ASTN2: variants seen among roughly 807,000 people sequenced by gnomAD.
The protein encoded by ASTN2 is astrotactin 2, also known as astrotactin-2.
Under a neutral mutation model 139.8 loss-of-function variants are expected in ASTN2, and 54 were observed. The observed-to-expected ratio is 0.39, with a 90% confidence interval of 0.31 to 0.48. The LOEUF is 0.48. Among genes scored for constraint, ASTN2 ranks in the 20% least tolerant of loss-of-function variants. The probability of loss-of-function intolerance (pLI) is 0.95; values close to 1 mark genes in which losing one functional copy is unlikely to be tolerated. For missense variants in ASTN2, 1,565 were observed against 1,725.1 expected, an observed-to-expected ratio of 0.91 and a Z score of 1.64; for synonymous variants, 756 against 719.5, an observed-to-expected ratio of 1.05 and a Z score of -0.81.
chr9:117,399,064 G>A (rs929456736), intron 1 of ASTN2, among the ~76,000 whole-genome samples: 18 of 152,106 alleles, frequency 1.2e-4, no homozygotes, highest in African/African-American at 4.1e-4. Flanking sequence ...GATTACAGGC[G>A]TGAGCCACCG....
At chr9:117,115,228 T>C (rs1347754156) in intron 4 of ASTN2, among the ~76,000 whole-genome samples, 2 of 152,154 alleles carry the variant, frequency 1.3e-5, no homozygotes, top group African/African-American at 2.4e-5. Context: ...ATATATCTAT[T>C]CTAGGCCGGG....
intron 19 of ASTN2, among the ~76,000 whole-genome samples, chr9:116,581,548 T>C (rs545169440): frequency 2.6e-5 from 4 of 152,326 alleles, no homozygotes; most frequent in South Asian, 2.1e-4. Flanking sequence ...CCAAATTCTA[T>C]TGCCCAGACG....
chr9:116,954,434 G>A (rs1057248638), intron 10 of ASTN2, among the ~76,000 whole-genome samples: 5 of 152,202 alleles, frequency 3.3e-5, no homozygotes, highest in African/African-American at 1.2e-4. Flanking sequence ...GGATGCCAAT[G>A]CTGCTGGTCC....
chr9:116,472,600 CT>C (rs1848845964), intron 20 of ASTN2, among the ~76,000 whole-genome samples: 1 of 152,060 alleles, frequency 6.6e-6, no homozygotes, highest in Non-Finnish European at 1.5e-5. Context: ...AGCTAGATAG[CT>C]TGTGTTAGAA....
At chr9:116,969,968 C>T (rs1414530557) in intron 10 of ASTN2, among the ~76,000 whole-genome samples, 1 of 152,200 alleles carries the variant, frequency 6.6e-6, no homozygotes, top group Admixed American at 6.5e-5. Flanking sequence ...GTGGTCCTCC[C>T]TCTGGAGCCT....
chr9:117,071,825 C>A (rs1828139576), intron 5 of ASTN2, among the ~76,000 whole-genome samples: 2 of 152,152 alleles, frequency 1.3e-5, no homozygotes, highest in African/African-American at 2.4e-5. Flanking sequence ...ACTCCCTGAC[C>A]CCTTGCGCTT....
Position 116,443,306 on chromosome 9 carries a change from G to T in ASTN2, c.3498-753C>A, listed in dbSNP as rs185314533. 5.6e-4 allele frequency among the ~76,000 whole-genome samples: 85 copies of T among 152,280 alleles called. 1 individual carries two copies. Among genetic ancestry groups the T allele is most frequent in the Middle Eastern group, 6.8e-3 (2 of 294 alleles). On this transcript the variant is annotated intron_variant, in intron 20 of 22. Coordinates refer to ENST00000313400, the MANE Select transcript of ASTN2 (RefSeq NM_001365068.1). ...AGGTCCTGAGGAAAGGAGCCCAGAC[G>T]GTTGAAGAAATGGGCAGCCAGTGTG...
In ASTN2 at chr9:117,018,475, C is replaced by T. The variant is rs574133452; in HGVS notation, c.1424-10216G>A. Among the ~76,000 whole-genome samples the T allele has an allele frequency of 2.0e-5, 3 of 152,242 alleles. No individual in the cohort carries two copies. The East Asian group carries it at 5.8e-4, about 29-fold the overall frequency. On this transcript the variant is annotated intron_variant, in intron 6 of 22. Coordinates refer to ENST00000313400, the MANE Select transcript of ASTN2 (RefSeq NM_001365068.1). ...ACACTGTGGGTTCGATGCCAACTGACCAAATTAGGCATAGGCACCTGCCTG... is the reference window on the plus strand; with the variant it reads ...ACACTGTGGGTTCGATGCCAACTGATCAAATTAGGCATAGGCACCTGCCTG...
intron 19 of ASTN2, among the ~76,000 whole-genome samples, chr9:116,573,408 T>C (rs1202754094): frequency 6.6e-6 from 1 of 152,222 alleles, no homozygotes; most frequent in Non-Finnish European, 1.5e-5. Flanking sequence ...CAGATTTTTT[T>C]TCTCATGGGA....
chr9:116,964,506 A>C (rs1022162552), intron 10 of ASTN2, among the ~76,000 whole-genome samples: 2 of 152,194 alleles, frequency 1.3e-5, no homozygotes, highest in African/African-American at 4.8e-5. Context: ...GTGGCAGGCA[A>C]CGGAGCAGGA....
At chr9:116,581,406 A>C (rs2131712142) in intron 19 of ASTN2, among the ~76,000 whole-genome samples, 1 of 152,180 alleles carries the variant, frequency 6.6e-6, no homozygotes. Flanking sequence ...CTGGTGCCCC[A>C]GTTCCCGTAG....
intron 19 of ASTN2, among the ~76,000 whole-genome samples, chr9:116,601,828 G>A (rs886155720): frequency 6.6e-6 from 1 of 152,126 alleles, no homozygotes; most frequent in Admixed American, 6.5e-5. Flanking sequence ...ATAATTAGGG[G>A]GTTCCGAAGA....
chr9:116,467,054 C>T (rs1848667693), intron 20 of ASTN2, among the ~76,000 whole-genome samples: 1 of 152,010 alleles, frequency 6.6e-6, no homozygotes, highest in Non-Finnish European at 1.5e-5. Flanking sequence ...GTGACATCAG[C>T]CAAGCAAGGC....
intron 10 of ASTN2, among the ~76,000 whole-genome samples, chr9:116,875,830 T>G (rs1833281494): frequency 6.6e-6 from 1 of 152,252 alleles, no homozygotes. Context: ...ACAGCACATC[T>G]GTTTACAGCA....
intron 20 of ASTN2, among the ~76,000 whole-genome samples, chr9:116,479,086 C>A (rs1333386366): frequency 6.8e-6 from 1 of 147,126 alleles, no homozygotes. Flanking sequence ...CCCTCTTCTA[C>A]AAATGGAGAA....
intron 5 of ASTN2, among the ~76,000 whole-genome samples, chr9:117,064,831 C>G (rs903203027): frequency 1.3e-5 from 2 of 151,988 alleles, no homozygotes; most frequent in African/African-American, 4.8e-5. Flanking sequence ...TTGAGCTACT[C>G]TCAAGCACGC....
In ASTN2 at chr9:117,334,422, C is replaced by T. The variant is rs183083059; in HGVS notation, c.443-42909G>A. On this transcript the variant is annotated intron_variant, in intron 1 of 22. Transcript: ENST00000313400. ...CCTTGAGACATTTATTTTTAATATG[C>T]GGAAAACAACATTCACCCTCAGGGT... 4.8e-3 allele frequency among the ~76,000 whole-genome samples: 724 copies of T among 151,530 alleles called. 3 individuals carry two copies. Among genetic ancestry groups the T allele is most frequent in the Non-Finnish European group, 8.1e-3 (550 of 67,928 alleles).
chr9:116,933,438 G>T (rs1325758596), intron 10 of ASTN2, among the ~76,000 whole-genome samples: 1 of 152,098 alleles, frequency 6.6e-6, no homozygotes, highest in Non-Finnish European at 1.5e-5. Flanking sequence ...GTCCCTTCCC[G>T]CAGAGAAGTC....
At chr9:116,632,130 G>GAGAGAGAGAA (rs1856776166) in intron 17 of ASTN2, among the ~76,000 whole-genome samples, 1 of 10,502 alleles carries the variant, frequency 9.5e-5, no homozygotes, top group South Asian at 2.6e-3. Context: ...AGAAAAAGAA[G>GAGAGAGAGAA]AGAGAGAGAG....
Sources: gnomAD v4.1 joint callset for allele counts (sites outside exome capture counted in the v4.1 genomes callset) on GRCh38, gnomAD v4.1.1 for gene constraint, MANE v1.5 for transcripts, NCBI Gene and HGNC (gene_info 2026-07-23, HGNC 2026-07-21) for gene names.